LRRC9: variants seen among roughly 807,000 people sequenced by gnomAD.
The protein encoded by LRRC9 is leucine rich repeat containing 9.
LRRC9 carries 122 observed loss-of-function variants against 63.2 expected under a neutral mutation model. The observed-to-expected ratio is 1.93, with a 90% CI of 1.67 to 2.24. LRRC9 has a LOEUF of 2.24. LRRC9 is among the 30% of genes most tolerant of loss of function. The pLI is 0.00. For synonymous variants in LRRC9, 366 were observed against 213.1 expected, an observed-to-expected ratio of 1.72 and a Z score of -6.25; for missense variants, 1,071 against 627.7, an observed-to-expected ratio of 1.71 and a Z score of -7.55.
chr14:60,053,532 T>C lies in LRRC9; in HGVS notation c.4131+327T>C, dbSNP rs78555141. 0.018 allele frequency among the ~76,000 whole-genome samples: 2,804 copies of C among 152,250 alleles called. 97 individuals are homozygous for C. Among genetic ancestry groups the C allele is most frequent in the East Asian group, 0.15 (774 of 5,176 alleles). ...CAATATGTCAGATGATGCTAGAACA[T>C]AGGAAACTATAACATATCACTTTCA... On this transcript the variant is annotated intron_variant, in intron 30 of 31. Coordinates refer to ENST00000445360, the Ensembl canonical transcript of LRRC9. This position sits in a 1 kb window ranked among gnomAD's most constrained non-coding sequence, Gnocchi z 4.8.
chr14:60,032,182 C>T, intron 29 of LRRC9, 119 bp downstream of exon 29: 3 of 563,942 alleles, frequency 5.3e-6, no homozygotes, highest in Non-Finnish European at 6.3e-6. Flanking sequence ...GCCAGTCATC[C>T]CAGCCCAAAT....
chr14:59,978,659 G>A lies in LRRC9; in HGVS notation c.1878+527G>A, dbSNP rs187783983. ...TATTTTGGTGGCTGCATATTATTCA[G>A]TAATACTAATTTATTCAACTATTCT... is the stretch of plus-strand genomic sequence containing the variant. On this transcript the variant is annotated intron_variant, in intron 15 of 31. Transcript: ENST00000445360. 2.3e-3 allele frequency among the ~76,000 whole-genome samples: 349 copies of A among 152,188 alleles called. 1 individual carries two copies. The highest frequency in any genetic ancestry group is 8.0e-3 in the African/African-American group (333 of 41,522).
rs184545636 is a variant in LRRC9 at position 59,938,184 on chromosome 14, G to A, written c.544-206G>A. On this transcript the variant is annotated intron_variant, in intron 6 of 31. Transcript: ENST00000445360. This position sits in a 1 kb window ranked among gnomAD's most constrained non-coding sequence, Gnocchi z 4.2. ...GTAAATATTTAAAAGGCATAGTGGT[G>A]TAGCATGTTGTTTAATTATTGTTGA... Among the ~76,000 whole-genome samples the A allele has an allele frequency of 6.6e-6, 1 of 152,270 alleles. No individual in the cohort carries two copies. The highest frequency in any genetic ancestry group is 1.9e-4 in the East Asian group (1 of 5,182).
intron 15 of LRRC9, among the ~76,000 whole-genome samples, chr14:59,980,764 C>A (rs1301505235): frequency 6.6e-6 from 1 of 152,090 alleles, no homozygotes; most frequent in Non-Finnish European, 1.5e-5. Flanking sequence ...TCAAGTATGC[C>A]TTTAGCAAAA....
At chr14:59,991,709 T>C (rs1888127439) in intron 17 of LRRC9, among the ~76,000 whole-genome samples, 1 of 152,128 alleles carries the variant, frequency 6.6e-6, no homozygotes, top group African/African-American at 2.4e-5. Flanking sequence ...CCATGGAGCC[T>C]CACTCATTGC....
At chr14:59,995,354 G>A (rs1275373855) in intron 17 of LRRC9, among the ~76,000 whole-genome samples, 1 of 152,144 alleles carries the variant, frequency 6.6e-6, no homozygotes, top group African/African-American at 2.4e-5. Flanking sequence ...TTGCAACCTC[G>A]ATCTAGATAA....
At chr14:60,010,172 T>C (rs1274150994) in intron 23 of LRRC9, among the ~76,000 whole-genome samples, 1 of 152,198 alleles carries the variant, frequency 6.6e-6, no homozygotes, top group African/African-American at 2.4e-5. Context: ...ACCCCACATT[T>C]CTTTTTGGCA....
chr14:60,039,617 T>C (rs1286625324), intron 29 of LRRC9, among the ~76,000 whole-genome samples: 1 of 152,216 alleles, frequency 6.6e-6, no homozygotes, highest in African/African-American at 2.4e-5. Context: ...ATATCCTGTT[T>C]ATCATTTTTT....
intron 10 of LRRC9, among the ~76,000 whole-genome samples, chr14:59,965,021 G>A (rs1884692516): frequency 6.6e-6 from 1 of 152,176 alleles, no homozygotes; most frequent in Non-Finnish European, 1.5e-5. Context: ...TGTGACCTTA[G>A]CTCACACCCA....
chr14:59,956,480 C>T (rs1313328613), intron 8 of LRRC9, among the ~76,000 whole-genome samples: 1 of 151,996 alleles, frequency 6.6e-6, no homozygotes, highest in Non-Finnish European at 1.5e-5. Context: ...TTTTACTTTC[C>T]ATTTGCTTGG....
intron 27 of LRRC9, among the ~76,000 whole-genome samples, chr14:60,026,688 AG>A (rs1395548308): frequency 1.3e-5 from 2 of 152,044 alleles, no homozygotes; most frequent in Non-Finnish European, 2.9e-5. Flanking sequence ...GATGAGAGAT[AG>A]GGGTCAAGTT....
rs1203055221 is a variant in LRRC9, at chr14:60,058,715, C to A, written c.4276+693C>A. ...ACCTCTTCCAGTCCTTCTGACTTCC[C>A]ATTTGTCCTCAGACCACTCTTAGAC... is the stretch of plus-strand genomic sequence containing the variant. On this transcript the variant is annotated intron_variant, in intron 31 of 31. Coordinates refer to ENST00000445360, the Ensembl canonical transcript of LRRC9. This position sits in a 1 kb window ranked among gnomAD's most constrained non-coding sequence, Gnocchi z 4.4. 6.6e-6 allele frequency among the ~76,000 whole-genome samples: 1 copy of A among 152,090 alleles called. No individual in the cohort carries two copies. Among genetic ancestry groups the A allele is most frequent in the Non-Finnish European group, 1.5e-5 (1 of 67,998 alleles).
intron 30 of LRRC9, among the ~76,000 whole-genome samples, chr14:60,056,369 A>G (rs1406718085): frequency 6.6e-6 from 1 of 152,230 alleles, no homozygotes; most frequent in Non-Finnish European, 1.5e-5. Flanking sequence ...AACTTTGAAG[A>G]TCCCAATTTT....
In LRRC9 at chr14:59,990,095, C is replaced by T. The variant is rs1300465076; in HGVS notation, c.2211+4871C>T. Among the ~76,000 whole-genome samples the T allele has an allele frequency of 6.6e-6, 1 of 151,616 alleles. No homozygotes were observed. Among genetic ancestry groups the T allele is most frequent in the Non-Finnish European group, 1.5e-5 (1 of 67,834 alleles). On this transcript the variant is annotated intron_variant, in intron 17 of 31. Transcript: ENST00000445360. The surrounding 1 kb of genome is among the most constrained non-coding windows in gnomAD (Gnocchi z 4.2). ...GGTGCACACCACCACACCCAGCTAA[C>T]TTTGTATTTTTAGCAGAGATGAGGT...
At chr14:59,992,098 C>A (rs1292877350) in intron 17 of LRRC9, among the ~76,000 whole-genome samples, 1 of 152,160 alleles carries the variant, frequency 6.6e-6, no homozygotes, top group Non-Finnish European at 1.5e-5. Flanking sequence ...TGGCCGGGTA[C>A]TCCTCTGAGA....
chr14:59,970,788 T>G (rs1885400826), intron 12 of LRRC9, among the ~76,000 whole-genome samples: 1 of 152,174 alleles, frequency 6.6e-6, no homozygotes, highest in Non-Finnish European at 1.5e-5. Context: ...GATTTTTTTT[T>G]GTAAATGTGT....
intron 23 of LRRC9, among the ~76,000 whole-genome samples, chr14:60,016,344 G>C (rs1890685070): frequency 6.6e-6 from 1 of 152,026 alleles, no homozygotes; most frequent in African/African-American, 2.4e-5. Context: ...GCTACAACTA[G>C]AGGCATGTGC....
intron 1 of LRRC9, among the ~76,000 whole-genome samples, chr14:59,921,355 T>A (rs1888760641): frequency 6.6e-6 from 1 of 151,752 alleles, no homozygotes; most frequent in Admixed American, 6.6e-5. Flanking sequence ...GTCACAGTAG[T>A]GTAGAGGATG....
chr14:59,973,319 A>G (rs1885737632), intron 12 of LRRC9: 1 of 151,918 alleles, frequency 6.6e-6, no homozygotes, highest in Non-Finnish European at 1.5e-5. Flanking sequence ...TTAACTGAGG[A>G]CCAAGACTAC....
Sources: gnomAD v4.1 joint callset for allele counts (sites outside exome capture counted in the v4.1 genomes callset) on GRCh38, gnomAD v4.1.1 for gene constraint, Gnocchi (gnomAD v3.1) non-coding constraint, MANE v1.5 for transcripts, NCBI Gene and HGNC (gene_info 2026-07-23, HGNC 2026-07-21) for gene names.